GALNT18: variants seen among roughly 807,000 people sequenced by gnomAD.
GALNT18 encodes polypeptide N-acetylgalactosaminyltransferase 18.
In GALNT18, 44 loss-of-function variants were observed where a neutral mutation model predicts 69.5. The observed-to-expected ratio is 0.63, with a 90% confidence interval of 0.50 to 0.81. The LOEUF (loss-of-function observed/expected upper bound fraction) is 0.81. GALNT18 is among the 40% of genes least tolerant of loss of function. GALNT18 has a pLI of 0.00. For synonymous variants in GALNT18, 364 were observed against 318.2 expected (o/e 1.14, Z -1.53); for missense variants, 715 against 810.0 (o/e 0.88, Z 1.42).
chr11:11,454,716 G>T lies in GALNT18; in HGVS notation c.236-5780C>A, dbSNP rs1255944672. The stretch of plus-strand genomic sequence containing the variant: ...GAACCACAGAGAGCCAGAGAGTCAG[G>T]CCAGGAGTGCTCTTCCTTCCTTGAA... On this transcript the variant is annotated intron_variant, in intron 1 of 10. Coordinates refer to ENST00000227756, the MANE Select transcript of GALNT18 (RefSeq NM_198516.3). This position sits in a 1 kb window ranked among gnomAD's most constrained non-coding sequence, Gnocchi z 4.2. Among the ~76,000 whole-genome samples the T allele has an allele frequency of 6.6e-6, 1 of 151,966 alleles. No individual in the cohort carries two copies. Among genetic ancestry groups the T allele is most frequent in the African/African-American group, 2.4e-5 (1 of 41,358 alleles).
chr11:11,288,077 C>T (rs1227630612), intron 10 of GALNT18, among the ~76,000 whole-genome samples: 1 of 152,188 alleles, frequency 6.6e-6, no homozygotes, highest in African/African-American at 2.4e-5. Context: ...TCTGATCCAC[C>T]TGCTTTCAGC....
chr11:11,430,949 C>T lies in GALNT18; in HGVS notation c.595+1672G>A, dbSNP rs970309636. Among the ~76,000 whole-genome samples, 1 of 152,192 alleles carries T rather than the reference C, an allele frequency of 6.6e-6. No homozygotes were observed. The highest frequency in any genetic ancestry group is 6.5e-5 in the Admixed American group (1 of 15,280). On this transcript the variant is annotated intron_variant, in intron 3 of 10. Coordinates refer to ENST00000227756, the MANE Select transcript of GALNT18 (RefSeq NM_198516.3). The surrounding 1 kb of genome is among the most constrained non-coding windows in gnomAD (Gnocchi z 4.9). ...GACCAAAAGCTTTAGATAGTTATTG[C>T]CATTTACAAAATAGAGTTCAAACTC...
At position 11,332,715 on chromosome 11, in the gene GALNT18, G is replaced by A. The variant is rs368510206; in HGVS notation, c.1395C>T (p.Ser465=). The part of the protein sequence containing the change: ...VSVYPEMRMY[S]DIIAYGVLQN... ...TTACCACTCCATAGGCAATGATGTC[G>A]GAGTACATCCTCATCTCTGGGTACA... Residue 465 remains serine, a synonymous_variant, in exon 8 of 11, where the codon TCC becomes TCT. Transcript: ENST00000227756. This position sits in a 1 kb window ranked among gnomAD's most constrained non-coding sequence, Gnocchi z 4.3. The A allele has an allele frequency of 3.2e-5, 52 of 1,614,104 alleles. No individual in the cohort carries two copies. The highest frequency in any genetic ancestry group is 2.8e-4 in the African/African-American group (21 of 75,026).
chr11:11,536,830 A>T (rs1857783914), intron 1 of GALNT18, among the ~76,000 whole-genome samples: 1 of 152,252 alleles, frequency 6.6e-6, no homozygotes, highest in South Asian at 2.1e-4. Flanking sequence ...TTGCAAAAAC[A>T]ATGACCAGAG....
At chr11:11,489,527 C>T (rs550277170) in intron 1 of GALNT18, among the ~76,000 whole-genome samples, 2 of 152,204 alleles carry the variant, frequency 1.3e-5, no homozygotes, top group East Asian at 1.9e-4. Flanking sequence ...CTTGGCAGGT[C>T]GCTCCCTAGA....
intron 1 of GALNT18, among the ~76,000 whole-genome samples, chr11:11,519,651 C>T (rs1857352501): frequency 6.6e-6 from 1 of 152,198 alleles, no homozygotes; most frequent in Admixed American, 6.5e-5. Context: ...GCCTTATCTC[C>T]CCTCGGAGAG....
chr11:11,445,898 G>T (rs192860512), intron 2 of GALNT18, among the ~76,000 whole-genome samples: 19 of 152,290 alleles, frequency 1.2e-4, no homozygotes, highest in Admixed American at 7.8e-4. Flanking sequence ...GAAGAAAACT[G>T]TAGAATTCTG....
In GALNT18 at chr11:11,391,524, C is replaced by G. The variant is rs549618172; in HGVS notation, c.596-12260G>C. 2.1e-3 allele frequency among the ~76,000 whole-genome samples: 325 copies of G among 152,330 alleles called. 2 individuals carry two copies. The highest frequency in any genetic ancestry group is 4.0e-3 in the Non-Finnish European group (271 of 68,032). ...ATCCACCCAGGCTTTGCACTAGGCC[C>G]TTTACAAATGTCCTGCCAGCCTCAC... On this transcript the variant is annotated intron_variant, in intron 3 of 10. Transcript: ENST00000227756.
chr11:11,300,808 A>C lies in GALNT18; in HGVS notation c.1513-7615T>G, dbSNP rs191612817. Among the ~76,000 whole-genome samples, 95 of 152,320 alleles carry C rather than the reference A, an allele frequency of 6.2e-4. 1 individual carries two copies. The highest frequency in any genetic ancestry group is 4.7e-3 in the Admixed American group (72 of 15,304). ...AGCAGAATCACCTGGGGAGCTTTAA[A>C]ACCTATAAACCACAGTCTCAGGGAC... On this transcript the variant is annotated intron_variant, in intron 9 of 10. Coordinates refer to ENST00000227756, the MANE Select transcript of GALNT18 (RefSeq NM_198516.3).
intron 1 of GALNT18, among the ~76,000 whole-genome samples, chr11:11,473,340 A>G (rs1856315293): frequency 6.6e-6 from 1 of 152,238 alleles, no homozygotes; most frequent in Non-Finnish European, 1.5e-5. Flanking sequence ...ATGCTCTTCT[A>G]TACAACTTAT....
intron 1 of GALNT18, among the ~76,000 whole-genome samples, chr11:11,483,329 A>G (rs1856573699): frequency 6.6e-6 from 1 of 152,158 alleles, no homozygotes; most frequent in South Asian, 2.1e-4. Context: ...CCATGAGTCT[A>G]TGCTATGACT....
Position 11,494,139 on chromosome 11 carries a change from G to A in GALNT18, c.236-45203C>T, listed in dbSNP as rs1052121196. ...TTGCATATAGGAAATCTTAATAAAT[G>A]TTAGATATTAGAATTATTATCAACA... On this transcript the variant is annotated intron_variant, in intron 1 of 10. Transcript: ENST00000227756. The surrounding 1 kb of genome is among the most constrained non-coding windows in gnomAD (Gnocchi z 5.7). Among the ~76,000 whole-genome samples the A allele has an allele frequency of 1.3e-5, 2 of 152,172 alleles. No individual in the cohort carries two copies. The highest frequency in any genetic ancestry group is 2.9e-5 in the Non-Finnish European group (2 of 68,040).
intron 1 of GALNT18, among the ~76,000 whole-genome samples, chr11:11,566,161 C>T (rs1053624409): frequency 2.6e-5 from 4 of 152,116 alleles, no homozygotes; most frequent in African/African-American, 2.4e-5. Context: ...ATTACACAAA[C>T]GTTAATGCAC....
In GALNT18 at chr11:11,288,749, G is replaced by A. The variant is rs554890583; in HGVS notation, c.1677+4280C>T. On this transcript the variant is annotated intron_variant, in intron 10 of 10. Coordinates refer to ENST00000227756, the MANE Select transcript of GALNT18 (RefSeq NM_198516.3). ...CTGTCCTGGTTCAGCCTGAAGTATT[G>A]GAAATTCAGAAGAGCTTGTGGGGGT... Among the ~76,000 whole-genome samples the A allele has an allele frequency of 9.2e-5, 14 of 152,244 alleles. 1 individual carries two copies. Among genetic ancestry groups the A allele is most frequent in the Middle Eastern group, 6.8e-3 (2 of 294 alleles).
At chr11:11,354,747 C>T (rs927576918) in intron 6 of GALNT18, among the ~76,000 whole-genome samples, 6 of 152,060 alleles carry the variant, frequency 3.9e-5, no homozygotes, top group South Asian at 4.2e-4. Context: ...ATTTATATAC[C>T]CAAGTGCCTA....
chr11:11,499,049 A>C (rs986275602), intron 1 of GALNT18, among the ~76,000 whole-genome samples: 2 of 152,220 alleles, frequency 1.3e-5, no homozygotes, highest in African/African-American at 4.8e-5. Context: ...GACAGTTACT[A>C]TCTCTAGAGC....
rs369993561 is a variant in GALNT18, at chr11:11,442,419, A to T, written c.428+6325T>A. ...ATACTCATAGGTATGGGGGATTAGG[A>T]TGTGGACCTCTTTGGGAGGCCATTA... is the stretch of plus-strand genomic sequence containing the variant. On this transcript the variant is annotated intron_variant, in intron 2 of 10. Transcript: ENST00000227756. 1.1e-4 allele frequency among the ~76,000 whole-genome samples: 16 copies of T among 152,218 alleles called. No homozygotes were observed. The East Asian group carries it at 1.7e-3, about 17-fold the overall frequency.
chr11:11,551,227 TA>T (rs1249566168), intron 1 of GALNT18, among the ~76,000 whole-genome samples: 3 of 152,070 alleles, frequency 2.0e-5, no homozygotes, highest in Admixed American at 2.0e-4. Flanking sequence ...CTGAGGAAAA[TA>T]AACTAAATAA....
rs1290708180 is a variant in GALNT18 at position 11,430,403 on chromosome 11, C to G, written c.595+2218G>C. On this transcript the variant is annotated intron_variant, in intron 3 of 10. Transcript: ENST00000227756. The surrounding 1 kb of genome is among the most constrained non-coding windows in gnomAD (Gnocchi z 4.9). ...TCCACAGAGCTTGTTCGGATCTCTC[C>G]TTACATAGGCAGGCACTGGTTTGGG... Among the ~76,000 whole-genome samples the G allele has an allele frequency of 2.6e-5, 4 of 152,182 alleles. No homozygotes were observed. The highest frequency in any genetic ancestry group is 5.9e-5 in the Non-Finnish European group (4 of 68,048).
Sources: gnomAD v4.1 joint callset for allele counts (sites outside exome capture counted in the v4.1 genomes callset) on GRCh38, gnomAD v4.1.1 for gene constraint, Gnocchi (gnomAD v3.1) non-coding constraint, MANE v1.5 for transcripts, NCBI Gene and HGNC (gene_info 2026-07-23, HGNC 2026-07-21) for gene names.